The following ENTPD4 variants were observed in gnomAD, a reference collection of about 807,000 sequenced individuals.
ENTPD4 encodes ectonucleoside triphosphate diphosphohydrolase 4, also known as Golgi UDPase.
ENTPD4 carries 60 observed loss-of-function variants against 79.1 expected under a neutral mutation model. That is an observed-to-expected ratio of 0.76 (90% CI 0.62 to 0.94). ENTPD4 has a LOEUF of 0.94. ENTPD4 is among the 40% of genes least tolerant of loss of function. The pLI is 0.00. For synonymous variants in ENTPD4, 276 were observed against 292.0 expected, an observed-to-expected ratio of 0.95 and a Z score of 0.56; for missense variants, 772 against 775.1, an observed-to-expected ratio of 1.00 and a Z score of 0.05.
Position 23,430,574 on chromosome 8 carries a change from T to C in ENTPD4, c.*2352A>G, listed in dbSNP as rs1800436737. Reference sequence around the variant, plus strand: ...CAGGCCACATATAGTGTCTGCTGCATATTCTTCAACGTTTTTTCTTAGGCA... The same window carrying C: ...CAGGCCACATATAGTGTCTGCTGCACATTCTTCAACGTTTTTTCTTAGGCA... On this transcript the variant is annotated 3_prime_UTR_variant, in exon 13 of 13. Transcript: ENST00000358689. The C allele has an allele frequency of 1.0e-6, 1 of 984,444 alleles. No individual in the cohort carries two copies. Among genetic ancestry groups the C allele is most frequent in the Non-Finnish European group, 1.2e-6 (1 of 829,144 alleles). 61.0% of individuals were successfully genotyped at this position (984,444 alleles called of 1,614,324 possible).
At position 23,441,869 on chromosome 8, in the gene ENTPD4, C is replaced by G. The variant is rs562014300; in HGVS notation, c.727+138G>C. The G allele has an allele frequency of 4.5e-6, 5 of 1,112,522 alleles. No individual in the cohort carries two copies. In the African/African-American group the frequency reaches 7.8e-5, roughly 17 times the overall value. The allele number at this position is 1,112,522 out of a possible 1,614,324, so 68.9% of individuals were successfully genotyped here. On this transcript the variant is annotated intron_variant, in intron 7 of 12. Coordinates refer to ENST00000358689, the MANE Select transcript of ENTPD4 (RefSeq NM_004901.5). ...TCCCAACTAAAATCAAGTTGAATTA[C>G]GTTCAACTGCAGCTGCTCTCATTCT...
Position 23,430,160 on chromosome 8 carries a change from G to C in ENTPD4, c.*2766C>G, listed in dbSNP as rs1585396899. On this transcript the variant is annotated 3_prime_UTR_variant, in exon 13 of 13. Coordinates refer to ENST00000358689, the MANE Select transcript of ENTPD4 (RefSeq NM_004901.5). ...TCTCTCACCCACCCTGTATCTCTTA[G>C]AGAAAGCACCTGGCTGTCTTCACCT... is the stretch of plus-strand genomic sequence containing the variant. 1 of 985,462 alleles carries C rather than the reference G, an allele frequency of 1.0e-6. No individual in the cohort carries two copies. Among genetic ancestry groups the C allele is most frequent in the Non-Finnish European group, 1.2e-6 (1 of 829,950 alleles). The allele number at this position is 985,462 out of a possible 1,614,324, so 61.0% of individuals were successfully genotyped here.
intron 5 of ENTPD4, 60 bp downstream of exon 5, chr8:23,444,396 G>C: frequency 6.9e-7 from 1 of 1,455,628 alleles, no homozygotes; most frequent in Non-Finnish European, 9.5e-7. Context: ...AGGGGGAGAA[G>C]AACACCCCCT....
intron 10 of ENTPD4, among the ~76,000 whole-genome samples, chr8:23,436,557 C>T (rs2117279105): frequency 6.6e-6 from 1 of 152,126 alleles, no homozygotes; most frequent in African/African-American, 2.4e-5. Flanking sequence ...CTGGCATCAC[C>T]TAAGTTTAAG....
Position 23,435,467 on chromosome 8 carries a change from G to T in ENTPD4, c.1385C>A (p.Ala462Glu), listed in dbSNP as rs776808283. ...KFTKAAKDYC[A>E]TKWSILRERF... ...TTCCCGCAAAATGGACCACTTTGTT[G>T]CACAATAATCCTGAAAACAAATTCA... is the stretch of plus-strand genomic sequence containing the variant. Residue 462 changes from alanine to glutamate, a missense_variant, in exon 11 of 13, where the codon GCA (alanine) becomes GAA (glutamate). Coordinates refer to ENST00000358689, the MANE Select transcript of ENTPD4 (RefSeq NM_004901.5). The T allele has an allele frequency of 2.3e-5, 37 of 1,613,308 alleles. No homozygotes were observed. The highest frequency in any genetic ancestry group is 2.2e-4 in the East Asian group (10 of 44,876).
chr8:23,444,853 C>T (rs375947388), intron 4 of ENTPD4, among the ~76,000 whole-genome samples: 23 of 152,162 alleles, frequency 1.5e-4, no homozygotes, highest in African/African-American at 4.3e-4. Flanking sequence ...CACTGCCATG[C>T]GCATGGGCTC....
Position 23,448,865 on chromosome 8 carries a change from T to G in ENTPD4, c.83A>C (p.Asn28Thr). ...GACCATAATTTGGCGTAAATTGGTA[T>G]TCAGAATTCGAGGACACCCTACTGG... Reference protein sequence around the residue: ...ISPVGCPRILNTNLRQIMVIS... With the variant: ...ISPVGCPRILTTNLRQIMVIS... Residue 28 changes from asparagine to threonine, a missense_variant, in exon 3 of 13, where the codon AAT becomes ACT. By Grantham distance (65) the Asn-to-Thr change is moderately conservative (BLOSUM62 0). Coordinates refer to ENST00000358689, the MANE Select transcript of ENTPD4 (RefSeq NM_004901.5). The G allele has an allele frequency of 6.2e-7, 1 of 1,614,140 alleles. No homozygotes were observed. The highest frequency in any genetic ancestry group is 8.5e-7 in the Non-Finnish European group (1 of 1,179,992).
In ENTPD4 at chr8:23,429,990, A is replaced by G. The variant is rs1334229231; in HGVS notation, c.*2936T>C. 1.0e-6 allele frequency: 1 copy of G among 985,362 alleles called. No individual in the cohort carries two copies. The allele number at this position is 985,362 out of a possible 1,614,324, so 61.0% of individuals were successfully genotyped here. On this transcript the variant is annotated 3_prime_UTR_variant, in exon 13 of 13. Transcript: ENST00000358689. ...ACTTATTGCTGGCATGTTTCTACCA[A>G]GATTGAACACAATGCTTTTCTTTGA...
rs11403204 is a variant in ENTPD4 at position 23,432,504 on chromosome 8, A to AT, written c.*421dup. On this transcript the variant is annotated 3_prime_UTR_variant, in exon 13 of 13. Coordinates refer to ENST00000358689, the MANE Select transcript of ENTPD4 (RefSeq NM_004901.5). ...AGACAGCAGGGCTTATAAACAATGC[A>AT]TTTTTTTTTTTTGAGACGGAGTCTC... 0.3 allele frequency: 258,527 copies of AT among 875,568 alleles called. 13,066 individuals carry two copies. The highest frequency in any genetic ancestry group is 0.44 in the African/African-American group (23,690 of 54,134). The allele number at this position is 875,568 out of a possible 1,614,324, so 54.2% of individuals were successfully genotyped here. A position where few individuals can be genotyped will look rare whatever the true frequency, so the allele number is the denominator to read the frequency against.
At chr8:23,446,240 G>C (rs1022624529) in intron 4 of ENTPD4, among the ~76,000 whole-genome samples, 1 of 152,176 alleles carries the variant, frequency 6.6e-6, no homozygotes, top group Non-Finnish European at 1.5e-5. Context: ...GTATACTCTA[G>C]GATGATAATG....
intron 3 of ENTPD4, among the ~76,000 whole-genome samples, chr8:23,448,480 T>C (rs1207357071): frequency 6.6e-6 from 1 of 152,144 alleles, no homozygotes; most frequent in Non-Finnish European, 1.5e-5. Flanking sequence ...GGCAGAAACT[T>C]CAGGGAGCCC....
chr8:23,448,923 G>A lies in ENTPD4; in HGVS notation c.25C>T (p.Leu9Phe). The change falls in exon 3 of 13, where the codon CTT becomes TTT. Residue 9 changes from leucine to phenylalanine, a missense_variant. Coordinates refer to ENST00000358689, the MANE Select transcript of ENTPD4 (RefSeq NM_004901.5). MGRIGISC[L>F]FPASWHFSIS... is the part of the protein sequence containing the mutation. ...CTAAAATGCCAAGAAGCAGGAAAAA[G>A]ACAGGAGATGCCAATCCTGAAATTA... 1 of 1,613,674 alleles carries A rather than the reference G, an allele frequency of 6.2e-7. No individual in the cohort carries two copies. The highest frequency in any genetic ancestry group is 8.5e-7 in the Non-Finnish European group (1 of 1,179,760).
intron 6 of ENTPD4, among the ~76,000 whole-genome samples, chr8:23,443,618 T>C (rs1447462244): frequency 1.3e-5 from 2 of 152,248 alleles, no homozygotes; most frequent in Non-Finnish European, 2.9e-5. Flanking sequence ...TATCAAGCTA[T>C]GTCACTACAT....
intron 4 of ENTPD4, among the ~76,000 whole-genome samples, chr8:23,445,330 T>C (rs760900911): frequency 2.0e-4 from 31 of 151,960 alleles, no homozygotes; most frequent in South Asian, 6.2e-4. Context: ...TCCCCACCAT[T>C]CCCTACCCAA....
chr8:23,434,301 A>G lies in ENTPD4; in HGVS notation c.1622+16T>C, dbSNP rs748737883. ...AAGCATCTTTTTGATTCTCGTTCCC[A>G]AATTCACAGCCCTACCTTAATGGTA... is the stretch of plus-strand genomic sequence containing the variant. On this transcript the variant is annotated intron_variant, in intron 12 of 12. Transcript: ENST00000358689. 1 of 1,607,310 alleles carries G rather than the reference A, an allele frequency of 6.2e-7. No homozygotes were observed.
intron 11 of ENTPD4, among the ~76,000 whole-genome samples, chr8:23,434,951 T>C (rs187961525): frequency 1.3e-5 from 2 of 152,330 alleles, no homozygotes; most frequent in East Asian, 1.9e-4. Flanking sequence ...ATTAGTAAGA[T>C]ACAGTGTCTG....
Position 23,447,759 on chromosome 8 carries a change from A to G in ENTPD4, c.333T>C (p.Asn111=). The G allele has an allele frequency of 6.2e-7, 1 of 1,614,180 alleles. No homozygotes were observed. The highest frequency in any genetic ancestry group is 8.5e-7 in the Non-Finnish European group (1 of 1,179,990). The change falls in exon 4 of 13, where the codon AAT becomes AAC. Residue 111 remains asparagine, a synonymous_variant. Coordinates refer to ENST00000358689, the MANE Select transcript of ENTPD4 (RefSeq NM_004901.5). ...TATCCAACAGATCATGTGGATTGCC[A>G]TTATGCCTTGGCCAGCAGTAAACAA... The part of the protein sequence containing the change: ...RVFVYCWPRH[N]GNPHDLLDIR...
intron 8 of ENTPD4, among the ~76,000 whole-genome samples, chr8:23,440,928 G>A (rs550342142): frequency 2.0e-5 from 3 of 152,308 alleles, no homozygotes; most frequent in Non-Finnish European, 4.4e-5. Context: ...CGCCGGCCAC[G>A]CTATGCTGCC....
chr8:23,436,070 C>T (rs1800553262), intron 10 of ENTPD4, among the ~76,000 whole-genome samples: 1 of 152,098 alleles, frequency 6.6e-6, no homozygotes, highest in South Asian at 2.1e-4. Context: ...GGGTGTGTGA[C>T]AGGGAGCACA....
Sources: allele counts gnomAD v4.1 joint callset (sites outside exome capture counted in the v4.1 genomes callset), GRCh38; gene constraint gnomAD v4.1.1; transcripts MANE v1.5; gene names NCBI Gene and HGNC (gene_info 2026-07-23, HGNC 2026-07-21).